The following CHCHD5 variants were observed in gnomAD, a reference collection of about 807,000 sequenced individuals.
CHCHD5 encodes coiled-coil-helix-coiled-coil-helix domain containing 5, also known as coiled-coil-helix-coiled-coil-helix domain-containing protein 5.
CHCHD5 carries 10 observed loss-of-function variants against 16.0 expected under a neutral mutation model. The ratio of observed to expected loss-of-function variants is 0.63; its 90% CI spans 0.39 to 1.06. The LOEUF is 1.06. CHCHD5 is among the 50% of genes least tolerant of loss of function. CHCHD5 has a pLI of 0.01. For missense variants in CHCHD5, 163 were observed against 153.4 expected (o/e 1.06, Z -0.33); for synonymous variants, 55 against 56.3 (o/e 0.98, Z 0.10).
Position 112,588,854 on chromosome 2 carries a change from C to T in CHCHD5, c.310-12C>T, listed in dbSNP as rs767255769. 3 of 1,610,052 alleles carry T rather than the reference C, an allele frequency of 1.9e-6. No individual in the cohort carries two copies. The South Asian group carries it at 3.3e-5, about 18-fold the overall frequency. On this transcript the variant is annotated splice_polypyrimidine_tract_variant and intron_variant, in intron 3 of 3. Transcript: ENST00000324913. ...GGAGGTGCTACTAGATGTTGATGTA[C>T]TTTCTCCACAGGCACAGCCACTTCC...
intron 1 of CHCHD5, chr2:112,584,885 A>C: frequency 1.7e-6 from 1 of 575,650 alleles, no homozygotes. Flanking sequence ...CGGTCCAGTC[A>C]CTCTTCACCC....
intron 1 of CHCHD5, among the ~76,000 whole-genome samples, chr2:112,585,360 G>T (rs1026668751): frequency 6.6e-6 from 1 of 152,168 alleles, no homozygotes; most frequent in African/African-American, 2.4e-5. Context: ...AGTCTTCTGT[G>T]CATGATCCCC....
At chr2:112,584,850 C>A (rs1685157681) in intron 1 of CHCHD5, 2 of 620,386 alleles carry the variant, frequency 3.2e-6, no homozygotes, top group Non-Finnish European at 2.9e-6. Context: ...TTAGGCCTCG[C>A]CCCCTCTCGC....
In CHCHD5 at chr2:112,584,617, C is replaced by G; in HGVS notation, c.-31C>G. On this transcript the variant is annotated 5_prime_UTR_variant, in exon 1 of 4. Coordinates refer to ENST00000324913, the MANE Select transcript of CHCHD5 (RefSeq NM_032309.4). ...ACCGGAAAAGGCGGGTCGTTCCCCCCGGACAGCCCTACGCCGGCAAAGGTC... is the reference window on the plus strand; with the variant it reads ...ACCGGAAAAGGCGGGTCGTTCCCCCGGGACAGCCCTACGCCGGCAAAGGTC... 1 of 1,612,044 alleles carries G rather than the reference C, an allele frequency of 6.2e-7. No homozygotes were observed. The highest frequency in any genetic ancestry group is 8.5e-7 in the Non-Finnish European group (1 of 1,179,946).
At chr2:112,585,728 G>A (rs1015097781) in intron 1 of CHCHD5, among the ~76,000 whole-genome samples, 1 of 152,034 alleles carries the variant, frequency 6.6e-6, no homozygotes, top group Non-Finnish European at 1.5e-5. Flanking sequence ...GCAAGACCCT[G>A]TCTCTACAAA....
intron 3 of CHCHD5, chr2:112,586,699 C>T (rs1299941111): frequency 1.3e-5 from 15 of 1,164,012 alleles, no homozygotes; most frequent in Non-Finnish European, 1.6e-5. Context: ...TAAAGCTCTC[C>T]AGTGGCTTTG....
rs759651882 is a variant in CHCHD5 at position 112,588,929 on chromosome 2, G to GC, written c.*45dup. On this transcript the variant is annotated 3_prime_UTR_variant, in exon 4 of 4. Coordinates refer to ENST00000324913, the MANE Select transcript of CHCHD5 (RefSeq NM_032309.4). ...GCAGGAAAACTGGACATGAATGACT[G>GC]CCCCCACGCCCCTCCCCTGCAGAGT... The GC allele has an allele frequency of 5.6e-5, 86 of 1,529,078 alleles. No homozygotes were observed. Among genetic ancestry groups the GC allele is most frequent in the African/African-American group, 1.4e-4 (10 of 73,716 alleles). The allele number at this position is 1,529,078 out of a possible 1,614,324, so 94.7% of individuals were successfully genotyped here. A position where few individuals can be genotyped will look rare whatever the true frequency, so the allele number is the denominator to read the frequency against.
chr2:112,588,677 G>A (rs962975916), intron 3 of CHCHD5, 189 bp from the exon 4 acceptor site: 13 of 568,730 alleles, frequency 2.3e-5, no homozygotes, highest in African/African-American at 1.7e-4. Flanking sequence ...AGAATGGCGC[G>A]TTCCCTGCCT....
At chr2:112,588,292 A>G (rs1265213186) in intron 3 of CHCHD5, 2 of 137,460 alleles carry the variant, frequency 1.5e-5, no homozygotes, top group African/African-American at 2.7e-5. Context: ...TCTGTCTTCC[A>G]AAAAAAAAAA....
chr2:112,586,837 G>A (rs116585838), intron 3 of CHCHD5: 250 of 437,002 alleles, frequency 5.7e-4, no homozygotes, highest in African/African-American at 4.5e-3. Flanking sequence ...AACTGCAGAG[G>A]GGCTGGGCTG....
At chr2:112,588,781 G>T in intron 3 of CHCHD5, 85 bp from the exon 4 acceptor site, 1 of 1,050,546 alleles carries the variant, frequency 9.5e-7, no homozygotes. Context: ...GGGCTCTGCA[G>T]GGTCTCCCTC....
At chr2:112,586,485 T>G in intron 3 of CHCHD5, 120 bp downstream of exon 3, 1 of 1,559,516 alleles carries the variant, frequency 6.4e-7, no homozygotes, top group Non-Finnish European at 8.7e-7. Context: ...ACACAGGCCT[T>G]TGCCATGCAT....
rs148443714 is a variant in CHCHD5, at chr2:112,586,338, G to A, written c.282G>A (p.Gln94=). The A allele has an allele frequency of 2.2e-5, 36 of 1,614,234 alleles. No homozygotes were observed. The highest frequency in any genetic ancestry group is 3.3e-4 in the Middle Eastern group (2 of 6,062). ...RRFLQCAEQV[Q]PPRSPATVEA... is the part of the protein sequence containing the mutation. ...TCCTGCAGTGCGCTGAGCAGGTGCA[G>A]CCGCCACGCTCACCTGCAACTGTGG... Residue 94 remains glutamine, a synonymous_variant, in exon 3 of 4, where the codon CAG becomes CAA. Coordinates refer to ENST00000324913, the MANE Select transcript of CHCHD5 (RefSeq NM_032309.4).
intron 3 of CHCHD5, 30 bp from the exon 4 acceptor site, chr2:112,588,836 C>T (rs3748024): frequency 6.3e-7 from 1 of 1,586,880 alleles, no homozygotes; most frequent in South Asian, 1.1e-5. Flanking sequence ...AGAGGAGGTG[C>T]TACTAGATGT....
At chr2:112,588,685 C>T (rs1558674432) in intron 3 of CHCHD5, 181 bp from the exon 4 acceptor site, 1 of 565,894 alleles carries the variant, frequency 1.8e-6, no homozygotes, top group Non-Finnish European at 3.1e-6. Flanking sequence ...GCGTTCCCTG[C>T]CTCCCATGAC....
At chr2:112,584,494 G>T, upstream of CHCHD5, 1 of 876,156 alleles carries the variant, frequency 1.1e-6, no homozygotes, top group South Asian at 1.5e-5. Context: ...GAGGTAGGGC[G>T]CCGCCGTGAC....
chr2:112,586,518 T>G, intron 3 of CHCHD5, 153 bp downstream of exon 3: 3 of 1,550,640 alleles, frequency 1.9e-6, no homozygotes, highest in Non-Finnish European at 2.6e-6. Flanking sequence ...ACATCATCAC[T>G]TCTTGCCCCA....
Position 112,586,079 on chromosome 2 carries a change from C to T in CHCHD5, c.108C>T (p.Tyr36=). Residue 36 remains tyrosine, a synonymous_variant, in exon 2 of 4, where the codon TAC becomes TAT. Transcript: ENST00000324913. ...AATCCTGGCAGCGGGACTGTCACTACCTTAAGATGAGCATTGCCCAGTGCA... is the reference window on the plus strand; with the variant it reads ...AATCCTGGCAGCGGGACTGTCACTATCTTAAGATGAGCATTGCCCAGTGCA... The part of the protein sequence containing the change: ...KPESWQRDCH[Y]LKMSIAQCTS... The T allele has an allele frequency of 1.9e-6, 3 of 1,614,164 alleles. No individual in the cohort carries two copies. The highest frequency in any genetic ancestry group is 2.5e-6 in the Non-Finnish European group (3 of 1,180,032).
In CHCHD5 at chr2:112,586,023, C is replaced by A; in HGVS notation, c.52C>A (p.Gln18Lys). 1 of 1,614,266 alleles carries A rather than the reference C, an allele frequency of 6.2e-7. No homozygotes were observed. Among genetic ancestry groups the A allele is most frequent in the East Asian group, 2.2e-5 (1 of 44,886 alleles). The change falls in exon 2 of 4, where the codon CAG becomes AAG. Residue 18 changes from glutamine (Q) to lysine (K), a missense_variant. By Grantham distance (53) the Gln-to-Lys change is moderately conservative. Transcript: ENST00000324913. Reference sequence around the variant, plus strand: ...TCGCTACTGTGGCCGGGAGCTGGAGCAGTATGGCCAGTGTGTGGCGGCCAA... The same window carrying A: ...TCGCTACTGTGGCCGGGAGCTGGAGAAGTATGGCCAGTGTGTGGCGGCCAA... ...TARYCGRELEQYGQCVAAKPE... is the reference protein window; with the variant it reads ...TARYCGRELEKYGQCVAAKPE...
Sources: gnomAD v4.1 joint callset for allele counts (sites outside exome capture counted in the v4.1 genomes callset) on GRCh38, gnomAD v4.1.1 for gene constraint, MANE v1.5 for transcripts, NCBI Gene and HGNC (gene_info 2026-07-23, HGNC 2026-07-21) for gene names.